Variants in DYM observed in about 807,000 individuals in gnomAD.
The protein encoded by DYM is dyggve-Melchior-Clausen syndrome protein.
Under a neutral mutation model 93.1 loss-of-function variants are expected in DYM, and 78 were observed. That is an observed-to-expected ratio of 0.84 (90% CI 0.70 to 1.01). The LOEUF (loss-of-function observed/expected upper bound fraction) is 1.01. DYM is among the 50% of genes least tolerant of loss of function. The pLI is 0.00. For missense variants in DYM, 789 were observed against 845.0 expected (o/e 0.93, Z 0.82); for synonymous variants, 321 against 319.7 (o/e 1.00, Z -0.04).
intron 14 of DYM, among the ~76,000 whole-genome samples, chr18:49,172,712 G>A (rs369615497): frequency 6.6e-6 from 1 of 152,082 alleles, no homozygotes; most frequent in African/African-American, 2.4e-5. Context: ...GGTGGTGGTA[G>A]TGGGGCAGTT....
intron 13 of DYM, among the ~76,000 whole-genome samples, chr18:49,211,508 T>C (rs2146144831): frequency 6.6e-6 from 1 of 152,202 alleles, no homozygotes; most frequent in East Asian, 1.9e-4. Context: ...ACCAAGAGGG[T>C]GATAGGTAAT....
At chr18:49,171,822 C>A (rs191937252) in intron 14 of DYM, among the ~76,000 whole-genome samples, 54 of 152,234 alleles carry the variant, frequency 3.5e-4, no homozygotes, top group African/African-American at 1.3e-3. Context: ...TAATGACAGC[C>A]CTATGCTACT....
chr18:49,374,171 C>A (rs2067280574), intron 5 of DYM, among the ~76,000 whole-genome samples: 1 of 152,134 alleles, frequency 6.6e-6, no homozygotes, highest in Non-Finnish European at 1.5e-5. Flanking sequence ...TTAGATTCTA[C>A]ATAATTCTCA....
At chr18:49,061,383 C>T (rs60762157) in intron 17 of DYM, among the ~76,000 whole-genome samples, 3,778 of 152,174 alleles carry the variant, frequency 0.025, 147 homozygotes, top group African/African-American at 0.085. Flanking sequence ...CAGAAAAGCA[C>T]AAGGGTGCCC....
chr18:49,181,233 G>A (rs997953364), intron 14 of DYM, among the ~76,000 whole-genome samples: 1 of 152,034 alleles, frequency 6.6e-6, no homozygotes, highest in African/African-American at 2.4e-5. Flanking sequence ...ATTTATGAGA[G>A]AAACCCAAAG....
chr18:49,129,207 A>C (rs1347263817), intron 15 of DYM, among the ~76,000 whole-genome samples: 1 of 152,082 alleles, frequency 6.6e-6, no homozygotes, highest in East Asian at 1.9e-4. Flanking sequence ...TGCCATGGAC[A>C]GGGCACGTCA....
rs2060993713 is a variant in DYM, at chr18:49,302,417, T to TA, written c.764-15802dup. Among the ~76,000 whole-genome samples the TA allele has an allele frequency of 2.0e-5, 3 of 152,240 alleles. No individual in the cohort carries two copies. The South Asian group carries it at 6.2e-4, about 31-fold the overall frequency. On this transcript the variant is annotated intron_variant, in intron 8 of 17. Coordinates refer to ENST00000675505, the MANE Select transcript of DYM (RefSeq NM_001353214.3). ...GTGAAAACACAATTTTAAAATGCTT[T>TA]AAAAATTTTACTTAATTTTATCCTT...
chr18:49,322,416 C>T (rs1429538735), intron 8 of DYM, among the ~76,000 whole-genome samples: 1 of 152,052 alleles, frequency 6.6e-6, no homozygotes, highest in Admixed American at 6.5e-5. Flanking sequence ...AAAGTCAACA[C>T]TTCCTTGCTT....
chr18:49,431,012 C>T (rs2080275782), intron 1 of DYM, among the ~76,000 whole-genome samples: 1 of 152,072 alleles, frequency 6.6e-6, no homozygotes, highest in Admixed American at 6.6e-5. Flanking sequence ...GAAAATGTCT[C>T]AAAGCAAAAT....
chr18:49,202,082 G>T (rs2092037126), intron 14 of DYM, among the ~76,000 whole-genome samples: 1 of 152,188 alleles, frequency 6.6e-6, no homozygotes, highest in African/African-American at 2.4e-5. Context: ...AGGCCACAGG[G>T]TCACTTAGCC....
chr18:49,056,092 T>A (rs1027404487), intron 17 of DYM, among the ~76,000 whole-genome samples: 1 of 152,118 alleles, frequency 6.6e-6, no homozygotes, highest in African/African-American at 2.4e-5. Flanking sequence ...AAGGAAACTT[T>A]GGGGTTTCTC....
intron 2 of DYM, among the ~76,000 whole-genome samples, chr18:49,406,269 T>G (rs2071486833): frequency 6.6e-6 from 1 of 152,172 alleles, no homozygotes; most frequent in Non-Finnish European, 1.5e-5. Flanking sequence ...ATAAAATGGC[T>G]ATTACTTTGG....
intron 1 of DYM, among the ~76,000 whole-genome samples, chr18:49,436,043 C>T (rs2080832378): frequency 6.6e-6 from 1 of 152,170 alleles, no homozygotes; most frequent in Non-Finnish European, 1.5e-5. Context: ...GATAGGGTCT[C>T]ACTCTGTCAC....
At chr18:49,377,949 A>C (rs2067668611) in intron 5 of DYM, among the ~76,000 whole-genome samples, 1 of 152,224 alleles carries the variant, frequency 6.6e-6, no homozygotes, top group South Asian at 2.1e-4. Flanking sequence ...GAGGGCAGAG[A>C]TCTATTTTGA....
At chr18:49,399,922 AT>A (rs2070575673) in intron 2 of DYM, among the ~76,000 whole-genome samples, 1 of 105,252 alleles carries the variant, frequency 9.5e-6, no homozygotes, top group Non-Finnish European at 2.1e-5. Context: ...AAAGACATTT[AT>A]TTTTATTTTT....
At chr18:49,266,592 C>G (rs1356744159) in intron 11 of DYM, among the ~76,000 whole-genome samples, 1 of 152,126 alleles carries the variant, frequency 6.6e-6, no homozygotes, top group African/African-American at 2.4e-5. Context: ...GCATGGGTGG[C>G]AAGAGTGAGA....
intron 14 of DYM, among the ~76,000 whole-genome samples, chr18:49,193,154 C>T (rs567246584): frequency 6.6e-6 from 1 of 151,656 alleles, no homozygotes; most frequent in Admixed American, 6.6e-5. Flanking sequence ...CACTTTGCAC[C>T]CCATAAATAT....
chr18:49,222,996 T>C (rs1598741466), intron 13 of DYM, among the ~76,000 whole-genome samples: 2 of 152,268 alleles, frequency 1.3e-5, no homozygotes, highest in East Asian at 3.9e-4. Flanking sequence ...AACTAGACAT[T>C]ATGTATCTCC....
chr18:49,211,514 G>A (rs929874447), intron 13 of DYM, among the ~76,000 whole-genome samples: 2 of 152,178 alleles, frequency 1.3e-5, no homozygotes, highest in African/African-American at 4.8e-5. Context: ...AGGGTGATAG[G>A]TAATTTTTAA....
Sources: gnomAD v4.1 joint callset for allele counts (sites outside exome capture counted in the v4.1 genomes callset) on GRCh38, gnomAD v4.1.1 for gene constraint, MANE v1.5 for transcripts, NCBI Gene and HGNC (gene_info 2026-07-23, HGNC 2026-07-21) for gene names.